Variants in DCC observed in about 807,000 individuals in gnomAD.
DCC encodes DCC netrin 1 receptor.
A neutral mutation model predicts 172.5 loss-of-function variants in DCC; 58 were observed. That is an observed-to-expected ratio of 0.34 (90% CI 0.27 to 0.42). DCC has a LOEUF of 0.42. DCC is among the 10% of genes least tolerant of loss of function. The pLI is 1.00. For synonymous variants in DCC, 709 were observed against 644.5 expected (o/e 1.10, Z -1.52); for missense variants, 1,740 against 1,791.0 (o/e 0.97, Z 0.51).
At chr18:53,435,345 C>A in intron 22 of DCC, 136 bp downstream of exon 22, 1 of 625,348 alleles carries the variant, frequency 1.6e-6, no homozygotes, top group Non-Finnish European at 2.8e-6. Context: ...ATAATAGAAA[C>A]ATGAAGTTAT....
chr18:53,476,005 T>G (rs1262528393), intron 25 of DCC, among the ~76,000 whole-genome samples: 1 of 152,218 alleles, frequency 6.6e-6, no homozygotes, highest in Non-Finnish European at 1.5e-5. Context: ...GAGATCATTT[T>G]GGAGCTTTAA....
At chr18:53,180,634 C>T (rs1254605772) in intron 9 of DCC, among the ~76,000 whole-genome samples, 2 of 152,162 alleles carry the variant, frequency 1.3e-5, no homozygotes, top group Non-Finnish European at 2.9e-5. Flanking sequence ...ATTTCCTCTT[C>T]ATAATGTCTA....
intron 26 of DCC, among the ~76,000 whole-genome samples, chr18:53,487,387 T>C (rs1216687896): frequency 6.6e-6 from 1 of 152,226 alleles, no homozygotes; most frequent in African/African-American, 2.4e-5. Flanking sequence ...AGGTAAGTGA[T>C]ACTTTTTCAG....
chr18:52,820,481 C>CAT (rs1473160786), intron 2 of DCC, among the ~76,000 whole-genome samples: 3 of 150,324 alleles, frequency 2.0e-5, no homozygotes, highest in Admixed American at 6.6e-5. Context: ...GTAACCTAGC[C>CAT]ATACATTCAT....
At chr18:53,015,174 G>A (rs987145299) in intron 5 of DCC, among the ~76,000 whole-genome samples, 2 of 152,096 alleles carry the variant, frequency 1.3e-5, no homozygotes, top group Non-Finnish European at 2.9e-5. Context: ...TTGCTAATAA[G>A]CTGTTTAACA....
At chr18:52,846,596 T>C (rs527541783) in intron 2 of DCC, among the ~76,000 whole-genome samples, 3,870 of 129,142 alleles carry the variant, frequency 0.03, 162 homozygotes, top group African/African-American at 0.1. Context: ...ATCTCCCCCT[T>C]CTGCCACTCC....
chr18:52,593,016 A>G (rs1460636095), intron 1 of DCC, among the ~76,000 whole-genome samples: 1 of 152,086 alleles, frequency 6.6e-6, no homozygotes, highest in South Asian at 2.1e-4. Flanking sequence ...AGTTTTTGTC[A>G]TATCTAGGAT....
At chr18:52,702,063 A>G (rs868703364) in intron 1 of DCC, among the ~76,000 whole-genome samples, 17 of 152,190 alleles carry the variant, frequency 1.1e-4, no homozygotes, top group African/African-American at 3.4e-4. Context: ...ACAGGGATCC[A>G]CCATCTTGTC....
chr18:52,998,256 T>A (rs927361937), intron 5 of DCC, among the ~76,000 whole-genome samples: 3 of 151,986 alleles, frequency 2.0e-5, no homozygotes, highest in African/African-American at 7.2e-5. Flanking sequence ...TATAGTGAGA[T>A]CCATACAGAA....
intron 1 of DCC, among the ~76,000 whole-genome samples, chr18:52,751,410 A>G (rs1043294448): frequency 3.3e-5 from 5 of 152,164 alleles, no homozygotes; most frequent in African/African-American, 9.7e-5. Context: ...CAACTGTAAT[A>G]TTTATTTAGA....
chr18:52,771,871 G>GA (rs55924643), intron 2 of DCC, among the ~76,000 whole-genome samples: 105,869 of 130,842 alleles, frequency 0.81, 42,486 homozygotes, highest in East Asian at 0.92. Flanking sequence ...AGAAACTTGT[G>GA]AAAAAAAAAA....
At position 52,426,239 on chromosome 18, in the gene DCC, TG is replaced by T. The variant is rs1987421260; in HGVS notation, c.91+85362del. ...CATCTCCACGGCAATGAGAACATAATGAAGGTGGCTGATTGTGCATGAATCA... is the reference window on the plus strand; with the variant it reads ...CATCTCCACGGCAATGAGAACATAATAAGGTGGCTGATTGTGCATGAATCA... On this transcript the variant is annotated intron_variant, in intron 1 of 28. Coordinates refer to ENST00000442544, the MANE Select transcript of DCC (RefSeq NM_005215.4). Among the ~76,000 whole-genome samples the T allele has an allele frequency of 2.0e-5, 3 of 151,878 alleles. No individual in the cohort carries two copies. In the South Asian group the frequency reaches 6.2e-4, roughly 32 times the overall value.
intron 7 of DCC, among the ~76,000 whole-genome samples, chr18:53,149,614 G>T (rs2043969161): frequency 6.6e-6 from 1 of 152,244 alleles, no homozygotes; most frequent in African/African-American, 2.4e-5. Context: ...TGGAAATAAA[G>T]AAATTATTAA....
intron 1 of DCC, among the ~76,000 whole-genome samples, chr18:52,428,261 A>G (rs1987508451): frequency 1.3e-5 from 2 of 152,068 alleles, no homozygotes. Context: ...GAGCAGAATT[A>G]TGTTTAATTC....
At chr18:53,095,625 G>T (rs1377119497) in intron 7 of DCC, among the ~76,000 whole-genome samples, 1 of 152,012 alleles carries the variant, frequency 6.6e-6, no homozygotes, top group Non-Finnish European at 1.5e-5. Context: ...CTCCTATCCT[G>T]ATTCAGACCC....
chr18:53,216,966 A>G (rs1243970198), intron 12 of DCC, among the ~76,000 whole-genome samples: 3 of 152,134 alleles, frequency 2.0e-5, no homozygotes, highest in Non-Finnish European at 4.4e-5. Flanking sequence ...TATGTTGTTA[A>G]TGAATGAAAT....
chr18:52,826,222 A>G (rs964572265), intron 2 of DCC, among the ~76,000 whole-genome samples: 14 of 152,188 alleles, frequency 9.2e-5, no homozygotes, highest in Non-Finnish European at 1.8e-4. Context: ...TCATTCTGAC[A>G]TGGATCATCT....
At chr18:52,518,429 A>G (rs1385483533) in intron 1 of DCC, among the ~76,000 whole-genome samples, 1 of 152,248 alleles carries the variant, frequency 6.6e-6, no homozygotes, top group Non-Finnish European at 1.5e-5. Flanking sequence ...TGGAATGAAA[A>G]TATTATTGGC....
intron 15 of DCC, among the ~76,000 whole-genome samples, chr18:53,352,911 T>A (rs1396035823): frequency 6.6e-6 from 1 of 152,204 alleles, no homozygotes; most frequent in Non-Finnish European, 1.5e-5. Flanking sequence ...ATAACTGTTT[T>A]GCTTCTTCAG....
Sources: gnomAD v4.1 joint callset for allele counts (sites outside exome capture counted in the v4.1 genomes callset) on GRCh38, gnomAD v4.1.1 for gene constraint, MANE v1.5 for transcripts, NCBI Gene and HGNC (gene_info 2026-07-23, HGNC 2026-07-21) for gene names.